MYO16: variants seen among roughly 807,000 people sequenced by gnomAD.
MYO16 encodes the protein myosin XVI, also known as unconventional myosin-XVI.
In MYO16, 94 loss-of-function variants were observed where a neutral mutation model predicts 205.3. The ratio of observed to expected loss-of-function variants is 0.46; its 90% CI spans 0.39 to 0.54. The LOEUF is 0.54. MYO16 is among the 20% of genes least tolerant of loss of function. The pLI is 0.00. For synonymous variants in MYO16, 988 were observed against 954.0 expected (o/e 1.04, Z -0.66); for missense variants, 2,315 against 2,387.5 (o/e 0.97, Z 0.63).
chr13:108,844,198 TACTA>T, intron 9 of MYO16, 141 bp from the exon 10 acceptor site: 1 of 532,334 alleles, frequency 1.9e-6, no homozygotes, highest in Non-Finnish European at 3.0e-6. Flanking sequence ...ACAGATTTCT[TACTA>T]ATTTTTTTCC....
intron 17 of MYO16, among the ~76,000 whole-genome samples, chr13:108,960,259 A>G (rs1434793830): frequency 1.1e-4 from 16 of 139,932 alleles, no homozygotes; most frequent in Non-Finnish European, 2.1e-4. Context: ...TGGGCAACAG[A>G]GTGAAACCCT....
chr13:108,566,653 AGAAAGAAG>A, the MYO16 span, among the ~76,000 whole-genome samples: 1 of 150,716 alleles, frequency 6.6e-6, no homozygotes, highest in South Asian at 2.1e-4. Context: ...AGAAAAGAAA[AGAAAGAAG>A]GAAAGAAGGA....
rs141597688 is a variant in MYO16, at chr13:109,127,337, G to A, written c.3838G>A (p.Ala1280Thr). 7.0e-4 allele frequency: 1,135 copies of A among 1,611,574 alleles called. No homozygotes were observed. Among genetic ancestry groups the A allele is most frequent in the Admixed American group, 1.5e-3 (89 of 59,950 alleles). Residue 1280 changes from alanine to threonine, a missense_variant, in exon 31 of 35, where the codon GCG becomes ACG. Ala to Thr is a moderately conservative substitution (Grantham distance 58). Coordinates refer to ENST00000457511, the MANE Select transcript of MYO16 (RefSeq NM_001198950.3). This position sits in a 1 kb window ranked among gnomAD's most constrained non-coding sequence, Gnocchi z 4.2. ...CCACCCCAGCTCCATGTCAGTCTGCGCGGCCGTGGATGGCCTGGGCCAGTG... is the reference window on the plus strand; with the variant it reads ...CCACCCCAGCTCCATGTCAGTCTGCACGGCCGTGGATGGCCTGGGCCAGTG... The part of the protein sequence containing the change: ...HFHPSSMSVC[A>T]AVDGLGQCLV...
At chr13:108,595,903 T>TTTA (rs1382265257), upstream of MYO16, among the ~76,000 whole-genome samples, 2 of 149,500 alleles carry the variant, frequency 1.3e-5, no homozygotes, top group Admixed American at 1.3e-4. Context: ...TTTTTTTTTT[T>TTTA]ACCTTGAGCA....
the MYO16 span, among the ~76,000 whole-genome samples, chr13:108,533,841 T>A: frequency 6.6e-6 from 1 of 152,212 alleles, no homozygotes; most frequent in East Asian, 1.9e-4. Context: ...TTTTTAGTGA[T>A]TTCATCTGCA....
In MYO16 at chr13:109,080,065, G is replaced by A. The variant is rs945971053; in HGVS notation, c.3336-20720G>A. 7.2e-5 allele frequency among the ~76,000 whole-genome samples: 10 copies of A among 138,268 alleles called. No individual in the cohort carries two copies. The East Asian group carries it at 8.3e-4, about 12-fold the overall frequency. The allele number at this position is 138,268 out of a possible 152,430, so 90.7% of individuals were successfully genotyped here. A position where few individuals can be genotyped will look rare whatever the true frequency, so the allele number is the denominator to read the frequency against. On this transcript the variant is annotated intron_variant, in intron 27 of 34. Coordinates refer to ENST00000457511, the MANE Select transcript of MYO16 (RefSeq NM_001198950.3). Reference sequence around the variant, plus strand: ...AAATTTTTGTGTTTTTAGTAGAGATGGGGTTTCACCATGTTGGTCAGGCTG... The same window carrying A: ...AAATTTTTGTGTTTTTAGTAGAGATAGGGTTTCACCATGTTGGTCAGGCTG...
intron 4 of MYO16, among the ~76,000 whole-genome samples, chr13:108,772,871 G>A (rs748570173): frequency 1.3e-5 from 2 of 152,144 alleles, no homozygotes; most frequent in Non-Finnish European, 2.9e-5. Context: ...AACAAAAATA[G>A]GGGAAAATAT....
chr13:108,736,088 G>A (rs575033576), intron 4 of MYO16, among the ~76,000 whole-genome samples: 232 of 152,196 alleles, frequency 1.5e-3, no homozygotes, highest in South Asian at 3.5e-3. Flanking sequence ...CTCCCATTCT[G>A]TAGGTTGCCC....
chr13:108,707,154 C>T (rs982789582), intron 2 of MYO16, among the ~76,000 whole-genome samples: 31 of 152,236 alleles, frequency 2.0e-4, no homozygotes, highest in African/African-American at 7.2e-4. Flanking sequence ...ACCAAAGCTC[C>T]AACAACCTGG....
intron 4 of MYO16, among the ~76,000 whole-genome samples, chr13:108,735,594 A>C (rs1002757107): frequency 2.0e-5 from 3 of 150,784 alleles, no homozygotes; most frequent in African/African-American, 7.3e-5. Context: ...ATAGTGCTGC[A>C]ATAAACATAC....
chr13:108,858,555 G>C (rs546274455), intron 11 of MYO16, among the ~76,000 whole-genome samples: 1 of 152,114 alleles, frequency 6.6e-6, no homozygotes, highest in East Asian at 1.9e-4. Context: ...AAATGTCACC[G>C]GCCCTACCTT....
chr13:109,099,690 G>C (rs537714236), intron 27 of MYO16, among the ~76,000 whole-genome samples: 1 of 152,084 alleles, frequency 6.6e-6, no homozygotes, highest in Non-Finnish European at 1.5e-5. Context: ...GTGAGCCCTC[G>C]TTTACCCACA....
At chr13:108,790,182 C>T (rs1030922527) in intron 5 of MYO16, among the ~76,000 whole-genome samples, 3 of 152,118 alleles carry the variant, frequency 2.0e-5, no homozygotes, top group African/African-American at 4.8e-5. Flanking sequence ...ATCACAATAG[C>T]GGCAAAGAGT....
intron 3 of MYO16, among the ~76,000 whole-genome samples, chr13:108,717,483 AGC>A (rs1439770844): frequency 1.3e-5 from 2 of 151,900 alleles, no homozygotes; most frequent in African/African-American, 4.8e-5. Flanking sequence ...ACAAAAAATT[AGC>A]CGGGCGTGGT....
At chr13:109,019,586 A>G (rs1885949706) in intron 22 of MYO16, 125 bp from the exon 23 acceptor site, 1 of 709,650 alleles carries the variant, frequency 1.4e-6, no homozygotes, top group Non-Finnish European at 2.3e-6. Flanking sequence ...TAAGGTAAAG[A>G]CTGATTCATT....
At chr13:108,631,185 T>C (rs1448390807) in intron 1 of MYO16, among the ~76,000 whole-genome samples, 1 of 152,206 alleles carries the variant, frequency 6.6e-6, no homozygotes, top group Non-Finnish European at 1.5e-5. Context: ...CAGAATGTCA[T>C]TATTTTCCTT....
At chr13:108,791,161 A>G (rs561190678) in intron 5 of MYO16, among the ~76,000 whole-genome samples, 52 of 152,324 alleles carry the variant, frequency 3.4e-4, no homozygotes, top group African/African-American at 1.2e-3. Flanking sequence ...AAATGACTCT[A>G]TAAGGGAAAT....
the MYO16 span, among the ~76,000 whole-genome samples, chr13:108,556,333 G>A: frequency 3.0e-4 from 46 of 151,528 alleles, 1 homozygote; most frequent in East Asian, 8.3e-3. Flanking sequence ...CCATTTTAAT[G>A]GGTATGAGGT....
At chr13:108,759,364 A>G (rs1469275275) in intron 4 of MYO16, among the ~76,000 whole-genome samples, 5 of 152,166 alleles carry the variant, frequency 3.3e-5, no homozygotes, top group African/African-American at 1.2e-4. Context: ...CTATTCCTGT[A>G]CTTTTGGTAT....
Sources: gnomAD v4.1 joint callset for allele counts (sites outside exome capture counted in the v4.1 genomes callset) on GRCh38, gnomAD v4.1.1 for gene constraint, Gnocchi (gnomAD v3.1) non-coding constraint, MANE v1.5 for transcripts, NCBI Gene and HGNC (gene_info 2026-07-23, HGNC 2026-07-21) for gene names.